Variants in ABCC1 observed in about 807,000 individuals in gnomAD.
The protein encoded by ABCC1 is ATP binding cassette subfamily C member 1 (ABCC1 blood group), also known as multidrug resistance-associated protein 1.
In ABCC1, 83 loss-of-function variants were observed where a neutral mutation model predicts 172.9. That is an observed-to-expected ratio of 0.48 (90% CI 0.40 to 0.58). The LOEUF is 0.58. ABCC1 is among the 20% of genes least tolerant of loss of function. The pLI is 0.00. For missense variants in ABCC1, 1,817 were observed against 2,002.7 expected, an observed-to-expected ratio of 0.91 and a Z score of 1.77; for synonymous variants, 937 against 825.2, an observed-to-expected ratio of 1.14 and a Z score of -2.32.
chr16:16,090,642 C>T, intron 19 of ABCC1, 54 bp downstream of exon 19: 1 of 1,484,030 alleles, frequency 6.7e-7, no homozygotes, highest in Non-Finnish European at 9.0e-7. Flanking sequence ...CCTTGAAGGG[C>T]CACATTGGCC....
intron 27 of ABCC1, 138 bp from the exon 28 acceptor site, chr16:16,134,212 C>T (rs868194252): frequency 2.5e-5 from 26 of 1,029,552 alleles, no homozygotes; most frequent in Admixed American, 1.4e-4. Context: ...CTCTGGGCAG[C>T]GCGCAAGGGA....
intron 23 of ABCC1, among the ~76,000 whole-genome samples, chr16:16,120,425 C>CTT (rs2045099731): frequency 6.6e-6 from 1 of 152,200 alleles, no homozygotes; most frequent in African/African-American, 2.4e-5. Flanking sequence ...AGGTGGTTGG[C>CTT]TTTTGTTCTG....
intron 1 of ABCC1, among the ~76,000 whole-genome samples, chr16:16,003,696 A>G (rs2151700825): frequency 3.6e-5 from 4 of 110,752 alleles, no homozygotes; most frequent in African/African-American, 6.8e-5. Context: ...GGGTGAATGA[A>G]TTGGTAGGTG....
At chr16:16,021,398 T>C (rs2151786768) in intron 5 of ABCC1, among the ~76,000 whole-genome samples, 1 of 152,092 alleles carries the variant, frequency 6.6e-6, no homozygotes, top group East Asian at 1.9e-4. Flanking sequence ...AAGTATGCAA[T>C]TCAGTGATGC....
At chr16:16,129,365 T>C (rs1369634032) in intron 26 of ABCC1, among the ~76,000 whole-genome samples, 1 of 151,736 alleles carries the variant, frequency 6.6e-6, no homozygotes, top group Non-Finnish European at 1.5e-5. Flanking sequence ...CATTTATTTT[T>C]TGGCCAGGCG....
chr16:16,079,119 C>T (rs1373939261), intron 15 of ABCC1, among the ~76,000 whole-genome samples: 1 of 152,234 alleles, frequency 6.6e-6, no homozygotes, highest in Non-Finnish European at 1.5e-5. Flanking sequence ...TGCCTCACTT[C>T]TCTAAGGGAC....
chr16:16,137,052 A>G (rs1176085361), intron 29 of ABCC1, among the ~76,000 whole-genome samples: 1 of 152,138 alleles, frequency 6.6e-6, no homozygotes, highest in Non-Finnish European at 1.5e-5. Flanking sequence ...TAAAGCATTA[A>G]TGCCTGGCAC....
intron 7 of ABCC1, among the ~76,000 whole-genome samples, chr16:16,042,372 T>C (rs246226): frequency 0.4 from 60,259 of 151,782 alleles, 13,515 homozygotes; most frequent in African/African-American, 0.62. Context: ...GCACCAGTTA[T>C]GTACATCTGC....
At chr16:16,113,993 G>A (rs1039277792) in intron 22 of ABCC1, among the ~76,000 whole-genome samples, 1 of 152,198 alleles carries the variant, frequency 6.6e-6, no homozygotes, top group Admixed American at 6.5e-5. Context: ...TGCTCAGGAG[G>A]TGACCACCAC....
At chr16:16,137,272 T>C (rs2045949312) in intron 29 of ABCC1, among the ~76,000 whole-genome samples, 1 of 152,138 alleles carries the variant, frequency 6.6e-6, no homozygotes, top group East Asian at 1.9e-4. Flanking sequence ...AGCTGGCTGT[T>C]GGCTGATCTC....
intron 1 of ABCC1, among the ~76,000 whole-genome samples, chr16:15,993,855 C>T (rs534388229): frequency 1.3e-3 from 201 of 152,256 alleles, no homozygotes; most frequent in Non-Finnish European, 2.3e-3. Context: ...AGGCCTGAGG[C>T]CATTCACTTG....
intron 3 of ABCC1, among the ~76,000 whole-genome samples, chr16:16,013,218 G>A (rs966447636): frequency 1.3e-5 from 2 of 152,036 alleles, no homozygotes; most frequent in Non-Finnish European, 2.9e-5. Context: ...ATATCCCAGG[G>A]AACCAGGATA....
Position 16,090,505 on chromosome 16 carries a change from A to G in ABCC1, c.2561A>G (p.Glu854Gly), listed in dbSNP as rs1382727737. ...GKISEMGSYQ[E>G]LLARDGAFAE... ...ATCTCTGAGATGGGCTCCTACCAGG[A>G]GCTGCTGGCTCGAGACGGCGCCTTC... The change falls in exon 19 of 31, where the codon GAG (glutamate) becomes GGG (glycine). Residue 854 changes from glutamate (E) to glycine (G), a missense_variant. By Grantham distance (98) the Glu-to-Gly change is moderately conservative. Around this residue, in one of 3 missense-constraint regions of ABCC1, gnomAD observed 1,412 missense variants for 1,600.3 expected, o/e 0.88. Transcript: ENST00000399410. 1 of 1,613,930 alleles carries G rather than the reference A, an allele frequency of 6.2e-7. No homozygotes were observed. The highest frequency in any genetic ancestry group is 8.5e-7 in the Non-Finnish European group (1 of 1,179,990).
At chr16:16,118,883 T>TAAAAAAAAAA (rs397855738) in intron 23 of ABCC1, among the ~76,000 whole-genome samples, 1 of 118,444 alleles carries the variant, frequency 8.4e-6, no homozygotes. Context: ...AAGTGTATAT[T>TAAAAAAAAAA]AAAAAAAAAA....
intron 14 of ABCC1, among the ~76,000 whole-genome samples, chr16:16,075,862 C>G (rs1178612173): frequency 6.6e-6 from 1 of 152,148 alleles, no homozygotes; most frequent in Non-Finnish European, 1.5e-5. Context: ...CTTTGCACCT[C>G]AAGGAGGGCC....
At chr16:16,100,452 T>C (rs549902620) in intron 19 of ABCC1, among the ~76,000 whole-genome samples, 19 of 151,888 alleles carry the variant, frequency 1.3e-4, no homozygotes, top group African/African-American at 4.6e-4. Context: ...AGAAAGATGG[T>C]TAAGGGCATG....
At chr16:16,106,034 G>A (rs1339097219) in intron 20 of ABCC1, among the ~76,000 whole-genome samples, 1 of 151,994 alleles carries the variant, frequency 6.6e-6, no homozygotes, top group Middle Eastern at 3.4e-3. Flanking sequence ...ACGGTACCAC[G>A]CCTGGCTAAT....
At chr16:16,043,288 G>A (rs1476307927) in intron 7 of ABCC1, among the ~76,000 whole-genome samples, 1 of 106,260 alleles carries the variant, frequency 9.4e-6, no homozygotes, top group South Asian at 3.0e-4. Context: ...CTTGATGATT[G>A]TTGTTCTTTT....
intron 1 of ABCC1, among the ~76,000 whole-genome samples, chr16:15,967,596 AT>A (rs201809997): frequency 1.4e-5 from 2 of 147,594 alleles, no homozygotes; most frequent in Non-Finnish European, 1.5e-5. Context: ...AATAATAATA[AT>A]TATTATTATT....
Sources: gnomAD v4.1 joint callset for allele counts (sites outside exome capture counted in the v4.1 genomes callset) on GRCh38, gnomAD v4.1.1 for gene constraint, gnomAD v4.1.1 regional missense constraint, MANE v1.5 for transcripts, NCBI Gene and HGNC (gene_info 2026-07-23, HGNC 2026-07-21) for gene names.